The following RIPK2 variants were observed in gnomAD, a reference collection of about 807,000 sequenced individuals.
The protein encoded by RIPK2 is receptor interacting serine/threonine kinase 2, also known as receptor-interacting serine/threonine-protein kinase 2.
Under a neutral mutation model 60.9 loss-of-function variants are expected in RIPK2, and 38 were observed. The observed-to-expected ratio is 0.62, with a 90% CI of 0.48 to 0.82. The LOEUF (loss-of-function observed/expected upper bound fraction) is 0.82. RIPK2 is among the 40% of genes least tolerant of loss of function. RIPK2 has a pLI of 0.00. For missense variants in RIPK2, 518 were observed against 647.0 expected (o/e 0.80, Z 2.16); for synonymous variants, 225 against 223.4 (o/e 1.01, Z -0.06).
chr8:89,762,959 T>C lies in RIPK2; in HGVS notation c.304T>C (p.Ser102Pro). ...AGTTACTGAATACATGCCAAATGGA[T>C]CATTAAATGAACTCCTACATAGGGT... The part of the protein sequence containing the change: ...GIVTEYMPNG[S>P]LNELLHRKTE... Residue 102 changes from serine (S) to proline (P), a missense_variant, in exon 2 of 11, where the codon TCA becomes CCA. Coordinates refer to ENST00000220751, the MANE Select transcript of RIPK2 (RefSeq NM_003821.6). 1 of 1,509,964 alleles carries C rather than the reference T, an allele frequency of 6.6e-7. No homozygotes were observed. The highest frequency in any genetic ancestry group is 1.4e-5 in the African/African-American group (1 of 72,442). 93.5% of individuals were successfully genotyped at this position (1,509,964 alleles called of 1,614,324 possible). A position where few individuals can be genotyped will look rare whatever the true frequency, so the allele number is the denominator to read the frequency against.
chr8:89,759,218 G>A, intron 1 of RIPK2: 1 of 447,040 alleles, frequency 2.2e-6, no homozygotes, highest in Non-Finnish European at 4.5e-6. Flanking sequence ...GGGAAGGTTA[G>A]CATTAGTTTC....
intron 1 of RIPK2, chr8:89,759,373 A>G (rs1349596155): frequency 4.4e-6 from 2 of 456,204 alleles, no homozygotes; most frequent in East Asian, 6.9e-5. Flanking sequence ...ATCCATGATT[A>G]CAACATTCTC....
chr8:89,765,229 T>C (rs1217471420), intron 2 of RIPK2, 112 bp from the exon 3 acceptor site: 1 of 693,120 alleles, frequency 1.4e-6, no homozygotes, highest in Non-Finnish European at 2.4e-6. Context: ...TGAGCATATG[T>C]TTTAACCTTA....
At chr8:89,768,549 T>C (rs1038593033) in intron 3 of RIPK2, among the ~76,000 whole-genome samples, 2 of 151,754 alleles carry the variant, frequency 1.3e-5, no homozygotes, top group African/African-American at 4.8e-5. Context: ...CTCCTAAAAG[T>C]GCTATTATAC....
chr8:89,771,933 G>A, intron 5 of RIPK2, 143 bp downstream of exon 5: 2 of 669,038 alleles, frequency 3.0e-6, no homozygotes, highest in East Asian at 2.8e-5. Context: ...AGTTGTGAAT[G>A]CATCACATAC....
intron 2 of RIPK2, among the ~76,000 whole-genome samples, chr8:89,764,412 A>T (rs1809193222): frequency 6.6e-6 from 1 of 152,154 alleles, no homozygotes; most frequent in African/African-American, 2.4e-5. Context: ...TTGATCACTG[A>T]ACTATAAGCT....
intron 9 of RIPK2, among the ~76,000 whole-genome samples, chr8:89,787,966 G>A (rs1408294809): frequency 1.3e-5 from 2 of 152,218 alleles, no homozygotes; most frequent in South Asian, 2.1e-4. Flanking sequence ...ACTTAGAGGA[G>A]CGATGAGAGA....
At chr8:89,780,385 T>G (rs73694486) in intron 7 of RIPK2, 10,290 of 279,862 alleles carry the variant, frequency 0.037, 864 homozygotes, top group African/African-American at 0.19. Flanking sequence ...TAAAGACATT[T>G]CCAGGACCAG....
intron 6 of RIPK2, among the ~76,000 whole-genome samples, chr8:89,776,697 G>A (rs1432962208): frequency 6.6e-6 from 1 of 152,168 alleles, no homozygotes; most frequent in Admixed American, 6.5e-5. Flanking sequence ...ACTTATCTAT[G>A]AGAACAGAAT....
chr8:89,758,717 G>T (rs1809093598), intron 1 of RIPK2, among the ~76,000 whole-genome samples: 1 of 152,114 alleles, frequency 6.6e-6, no homozygotes, highest in African/African-American at 2.4e-5. Flanking sequence ...GTGCCCGTCC[G>T]AATTGAAGTG....
chr8:89,762,734 G>A (rs1471655497), intron 1 of RIPK2, 95 bp from the exon 2 acceptor site: 3 of 592,318 alleles, frequency 5.1e-6, no homozygotes, highest in African/African-American at 3.8e-5. Context: ...AGGTCACATA[G>A]CTAATTAATG....
intron 6 of RIPK2, among the ~76,000 whole-genome samples, chr8:89,779,571 C>T (rs529744927): frequency 3.1e-4 from 47 of 152,022 alleles, no homozygotes; most frequent in Non-Finnish European, 3.2e-4. Flanking sequence ...CTGTCCGCCT[C>T]GGCCTCCCAA....
rs780061363 is a variant in RIPK2, at chr8:89,790,545, C to T, written c.*129C>T. The stretch of plus-strand genomic sequence containing the variant: ...AGGTTCTTTGGGTAAATATTAGTCT[C>T]CCTCCATGACACTGCAGTATTTTTT... On this transcript the variant is annotated 3_prime_UTR_variant, in exon 11 of 11. Coordinates refer to ENST00000220751, the MANE Select transcript of RIPK2 (RefSeq NM_003821.6). 4.9e-6 allele frequency: 3 copies of T among 618,450 alleles called. No individual in the cohort carries two copies. Among genetic ancestry groups the T allele is most frequent in the Non-Finnish European group, 8.1e-6 (3 of 372,412 alleles). The allele number at this position is 618,450 out of a possible 1,614,324, so 38.3% of individuals were successfully genotyped here. A position where few individuals can be genotyped will look rare whatever the true frequency, so the allele number is the denominator to read the frequency against.
chr8:89,758,661 C>T (rs905805226), intron 1 of RIPK2, among the ~76,000 whole-genome samples: 1 of 152,064 alleles, frequency 6.6e-6, no homozygotes, highest in Non-Finnish European at 1.5e-5. Flanking sequence ...GCTGCACTGT[C>T]CAGTAGGTAG....
chr8:89,788,385 C>T (rs527664230), intron 9 of RIPK2, among the ~76,000 whole-genome samples: 3 of 151,684 alleles, frequency 2.0e-5, no homozygotes, highest in African/African-American at 7.2e-5. Context: ...AGAGTTAAGA[C>T]GGATAATTAT....
At chr8:89,760,213 T>C (rs546862360) in intron 1 of RIPK2, among the ~76,000 whole-genome samples, 8 of 110,020 alleles carry the variant, frequency 7.3e-5, no homozygotes, top group African/African-American at 3.9e-4. Context: ...TGCATTGTTC[T>C]TTGGGATGAC....
At chr8:89,779,988 T>C in intron 6 of RIPK2, 87 bp from the exon 7 acceptor site, 1 of 662,924 alleles carries the variant, frequency 1.5e-6, no homozygotes, top group Non-Finnish European at 2.6e-6. Flanking sequence ...AAAAACTGAC[T>C]TGAGGCCTTG....
In RIPK2 at chr8:89,765,568, C is replaced by T. The variant is rs1809213653; in HGVS notation, c.483+72C>T. 4.0e-5 allele frequency: 38 copies of T among 961,634 alleles called. No individual in the cohort carries two copies. In the South Asian group the frequency reaches 4.2e-4, roughly 11 times the overall value. The allele number at this position is 961,634 out of a possible 1,614,324, so 59.6% of individuals were successfully genotyped here. ...TAAAAATACTTTTTAGTTATTTCTT[C>T]GACCTAGCCAATTTCATGTCTCTCC... On this transcript the variant is annotated intron_variant, in intron 3 of 10. Transcript: ENST00000220751.
intron 5 of RIPK2, among the ~76,000 whole-genome samples, chr8:89,772,065 TCAAGTCA>T (rs1809323033): frequency 6.6e-6 from 1 of 152,022 alleles, no homozygotes. Context: ...AGCTCTGTGA[TCAAGTCA>T]CAAATCTCTT....
Sources: allele counts gnomAD v4.1 joint callset (sites outside exome capture counted in the v4.1 genomes callset), GRCh38; gene constraint gnomAD v4.1.1; transcripts MANE v1.5; gene names NCBI Gene and HGNC (gene_info 2026-07-23, HGNC 2026-07-21).